Variants in PHLDB2 observed in about 807,000 individuals in gnomAD.
PHLDB2 encodes the protein pleckstrin homology-like domain family B member 2.
A neutral mutation model predicts 123.6 loss-of-function variants in PHLDB2; 71 were observed. The ratio of observed to expected loss-of-function variants is 0.57; its 90% CI spans 0.47 to 0.70. The LOEUF is 0.70. Ranked by LOEUF, PHLDB2 falls within the 30% of genes least tolerant of loss-of-function variation. The pLI, the probability that PHLDB2 is intolerant of heterozygous loss-of-function variation, is 0.00. For missense variants in PHLDB2, 1,446 were observed against 1,519.5 expected (o/e 0.95, Z 0.80); for synonymous variants, 547 against 541.6 (o/e 1.01, Z -0.14).
chr3:111,898,363 G>T (rs1413334135), intron 2 of PHLDB2, among the ~76,000 whole-genome samples: 2 of 151,998 alleles, frequency 1.3e-5, no homozygotes, highest in African/African-American at 4.8e-5. Context: ...TTACATTTTT[G>T]GTAGAGACAC....
intron 2 of PHLDB2, among the ~76,000 whole-genome samples, chr3:111,886,316 C>A (rs1458733966): frequency 2.0e-5 from 3 of 152,192 alleles, no homozygotes; most frequent in Non-Finnish European, 1.5e-5. Context: ...GGTTGATACC[C>A]TATAGGACAA....
intron 1 of PHLDB2, among the ~76,000 whole-genome samples, chr3:111,787,262 A>C (rs1482301005): frequency 6.6e-6 from 1 of 152,216 alleles, no homozygotes; most frequent in Admixed American, 6.5e-5. Context: ...GCGTTACTGA[A>C]GGTGAATGTG....
chr3:111,767,417 C>G (rs1298508166), intron 1 of PHLDB2, among the ~76,000 whole-genome samples: 1 of 152,126 alleles, frequency 6.6e-6, no homozygotes, highest in Non-Finnish European at 1.5e-5. Context: ...TTGTTGACAC[C>G]AAACTAGTGA....
At chr3:111,773,749 T>G (rs1264350287) in intron 1 of PHLDB2, among the ~76,000 whole-genome samples, 1 of 152,026 alleles carries the variant, frequency 6.6e-6, no homozygotes, top group Non-Finnish European at 1.5e-5. Context: ...AAGAAAAGAG[T>G]TTATGCTTAT....
chr3:111,937,663 C>G (rs1192580835), intron 6 of PHLDB2, among the ~76,000 whole-genome samples: 2 of 151,658 alleles, frequency 1.3e-5, no homozygotes, highest in Non-Finnish European at 2.9e-5. Context: ...GTAGTCCCAG[C>G]TACTTGGGAG....
intron 1 of PHLDB2, among the ~76,000 whole-genome samples, chr3:111,869,935 G>A (rs530071021): frequency 2.6e-5 from 4 of 152,326 alleles, no homozygotes; most frequent in African/African-American, 9.6e-5. Context: ...TGTTCAAACA[G>A]GCAGGTCTTT....
intron 1 of PHLDB2, among the ~76,000 whole-genome samples, chr3:111,774,880 C>T (rs2060240157): frequency 6.6e-6 from 1 of 152,014 alleles, no homozygotes; most frequent in Non-Finnish European, 1.5e-5. Flanking sequence ...TTGAGAAACC[C>T]AAGACAATGT....
intron 1 of PHLDB2, among the ~76,000 whole-genome samples, chr3:111,745,067 T>C (rs1002250078): frequency 1.3e-5 from 2 of 152,122 alleles, no homozygotes; most frequent in Admixed American, 1.3e-4. Flanking sequence ...GAAGGGGCTA[T>C]CAATAAATTG....
At chr3:111,828,812 C>T (rs1450952894) in intron 1 of PHLDB2, among the ~76,000 whole-genome samples, 1 of 150,770 alleles carries the variant, frequency 6.6e-6, no homozygotes, top group Non-Finnish European at 1.5e-5. Flanking sequence ...AACAAACAAA[C>T]AAAAAAGATT....
intron 1 of PHLDB2, among the ~76,000 whole-genome samples, chr3:111,751,656 G>A (rs970851462): frequency 7.2e-6 from 1 of 139,346 alleles, no homozygotes; most frequent in South Asian, 2.5e-4. Flanking sequence ...CAGTGCCTAG[G>A]AAAAATTTAA....
chr3:111,780,545 A>T (rs959683711), intron 1 of PHLDB2, among the ~76,000 whole-genome samples: 14 of 151,762 alleles, frequency 9.2e-5, no homozygotes, highest in Admixed American at 3.9e-4. Context: ...ACCATGAGCC[A>T]AAATAAATCT....
At chr3:111,835,450 G>A (rs1453588916) in intron 1 of PHLDB2, among the ~76,000 whole-genome samples, 1 of 152,158 alleles carries the variant, frequency 6.6e-6, no homozygotes, top group Non-Finnish European at 1.5e-5. Context: ...TGCTTCCCCA[G>A]CAGCAGCTCC....
chr3:111,930,162 C>T (rs1466858443), intron 5 of PHLDB2, among the ~76,000 whole-genome samples: 2 of 151,770 alleles, frequency 1.3e-5, no homozygotes, highest in Admixed American at 6.6e-5. Context: ...CCGCCTGCCT[C>T]GGCCTCCCAA....
At chr3:111,759,243 A>G (rs886545221) in intron 1 of PHLDB2, among the ~76,000 whole-genome samples, 5 of 152,200 alleles carry the variant, frequency 3.3e-5, no homozygotes, top group African/African-American at 9.6e-5. Flanking sequence ...AAAGGCCACA[A>G]TTAAGACACC....
rs116356269 is a variant in PHLDB2 at position 111,900,802 on chromosome 3, C to T, written c.1336-12517C>T. Among the ~76,000 whole-genome samples the T allele has an allele frequency of 3.7e-3, 559 of 152,258 alleles. 5 individuals are homozygous for T. The highest frequency in any genetic ancestry group is 0.013 in the African/African-American group (532 of 41,548). ...TGTAAAAAATGTACTATCTGCAGAGCGCAATAAAGCAAAATGCAGTAAAAT... is the reference window on the plus strand; with the variant it reads ...TGTAAAAAATGTACTATCTGCAGAGTGCAATAAAGCAAAATGCAGTAAAAT... On this transcript the variant is annotated intron_variant, in intron 2 of 17. Transcript: ENST00000431670.
chr3:111,777,222 A>T (rs2060282497), intron 1 of PHLDB2, among the ~76,000 whole-genome samples: 1 of 152,132 alleles, frequency 6.6e-6, no homozygotes, highest in South Asian at 2.1e-4. Context: ...TTTTTCTCTC[A>T]AAATGTCAAA....
rs775267880 is a variant in PHLDB2, at chr3:111,884,194, C to T, written c.117C>T (p.Ser39=). 1.9e-6 allele frequency: 3 copies of T among 1,614,024 alleles called. No homozygotes were observed. Among genetic ancestry groups the T allele is most frequent in the Non-Finnish European group, 1.7e-6 (2 of 1,180,022 alleles). ...NDSQNMMESL[S]PKKYSSSLRF... ...CCCAAAACATGATGGAGAGCCTCAG[C>T]CCAAAGAAATACTCTTCCAGTCTGA... The change falls in exon 2 of 18, where the codon AGC becomes AGT. Residue 39 remains serine, a synonymous_variant. Transcript: ENST00000431670.
intron 8 of PHLDB2, among the ~76,000 whole-genome samples, chr3:111,943,198 A>G (rs2070032275): frequency 1.3e-5 from 2 of 152,180 alleles, no homozygotes; most frequent in South Asian, 4.1e-4. Flanking sequence ...ATGTATATTA[A>G]ATAGATCAAT....
intron 1 of PHLDB2, among the ~76,000 whole-genome samples, chr3:111,770,929 G>A (rs1354806934): frequency 1.4e-5 from 2 of 141,700 alleles, no homozygotes; most frequent in East Asian, 4.4e-4. Flanking sequence ...CCAGTCAGCT[G>A]TAGCAAAGCA....
Sources: gnomAD v4.1 joint callset for allele counts (sites outside exome capture counted in the v4.1 genomes callset) on GRCh38, gnomAD v4.1.1 for gene constraint, MANE v1.5 for transcripts, NCBI Gene and HGNC (gene_info 2026-07-23, HGNC 2026-07-21) for gene names.